Variants in SLCO1B1 observed in about 807,000 individuals in gnomAD.
The protein encoded by SLCO1B1 is OATP-2.
SLCO1B1 carries 81 observed loss-of-function variants against 70.1 expected under a neutral mutation model. The observed-to-expected ratio is 1.16, with a 90% CI of 0.97 to 1.39. The LOEUF (loss-of-function observed/expected upper bound fraction) is 1.39. SLCO1B1 is among the 40% of genes most tolerant of loss of function. The pLI is 0.00. For synonymous variants in SLCO1B1, 283 were observed against 271.5 expected (o/e 1.04, Z -0.42); for missense variants, 895 against 799.6 (o/e 1.12, Z -1.44).
intron 1 of SLCO1B1, among the ~76,000 whole-genome samples, chr12:21,137,559 C>T (rs777529622): frequency 1.3e-5 from 2 of 152,140 alleles, no homozygotes; most frequent in African/African-American, 2.4e-5. Flanking sequence ...CCCCCAGCCT[C>T]GCTGCCACCT....
chr12:21,224,952 A>G (rs566971282), intron 14 of SLCO1B1, 113 bp downstream of exon 14: 10 of 617,078 alleles, frequency 1.6e-5, no homozygotes, highest in Non-Finnish European at 2.8e-5. Context: ...TTTAATGAAA[A>G]CTGACTTTGC....
intron 12 of SLCO1B1, among the ~76,000 whole-genome samples, chr12:21,221,285 G>C (rs10841761): frequency 0.13 from 20,360 of 152,082 alleles, 1,671 homozygotes; most frequent in Non-Finnish European, 0.18. Context: ...TACTCTTACT[G>C]CACATAGTAT....
At chr12:21,194,650 T>G (rs1192820628) in intron 7 of SLCO1B1, among the ~76,000 whole-genome samples, 2 of 152,202 alleles carry the variant, frequency 1.3e-5, no homozygotes, top group African/African-American at 4.8e-5. Context: ...TCTTGTAAGC[T>G]CTGCTCATTA....
At chr12:21,145,828 A>G (rs1201285222) in intron 2 of SLCO1B1, among the ~76,000 whole-genome samples, 2 of 152,102 alleles carry the variant, frequency 1.3e-5, no homozygotes, top group African/African-American at 2.4e-5. Flanking sequence ...CCATTGCTGA[A>G]TGCAAGTGGT....
At chr12:21,210,988 C>T (rs935611123) in intron 11 of SLCO1B1, among the ~76,000 whole-genome samples, 7 of 152,058 alleles carry the variant, frequency 4.6e-5, no homozygotes, top group Non-Finnish European at 1.0e-4. Flanking sequence ...TCTAGATATA[C>T]AATCATGTCA....
intron 7 of SLCO1B1, among the ~76,000 whole-genome samples, chr12:21,187,921 C>T (rs1054849826): frequency 1.3e-5 from 2 of 152,060 alleles, no homozygotes; most frequent in Admixed American, 6.6e-5. Context: ...TGAGTGCCTG[C>T]GAACTAGTGT....
intron 14 of SLCO1B1, among the ~76,000 whole-genome samples, chr12:21,236,852 G>C (rs1941600618): frequency 6.6e-6 from 1 of 152,118 alleles, no homozygotes; most frequent in Non-Finnish European, 1.5e-5. Flanking sequence ...AAAAGAACTT[G>C]ACTTATTTTT....
intron 9 of SLCO1B1, among the ~76,000 whole-genome samples, chr12:21,201,983 G>C (rs917952931): frequency 6.6e-6 from 1 of 152,146 alleles, no homozygotes; most frequent in Non-Finnish European, 1.5e-5. Flanking sequence ...TCATAGACTG[G>C]ATAAAGAAAA....
chr12:21,201,406 C>A (rs144180550), intron 9 of SLCO1B1, among the ~76,000 whole-genome samples: 1 of 152,090 alleles, frequency 6.6e-6, no homozygotes, highest in African/African-American at 2.4e-5. Flanking sequence ...AATGTTTTGA[C>A]TCCCAGTAAC....
chr12:21,228,130 A>G (rs985919929), intron 14 of SLCO1B1, among the ~76,000 whole-genome samples: 1 of 152,050 alleles, frequency 6.6e-6, no homozygotes, highest in African/African-American at 2.4e-5. Context: ...ACATCCCCAC[A>G]TATTTATCAT....
chr12:21,150,049 G>A (rs1175967728), intron 2 of SLCO1B1, among the ~76,000 whole-genome samples: 1 of 152,124 alleles, frequency 6.6e-6, no homozygotes, highest in Non-Finnish European at 1.5e-5. Context: ...GGCTTGAGTA[G>A]GTGCTTTTCC....
At chr12:21,135,029 T>C (rs924532468) in intron 1 of SLCO1B1, among the ~76,000 whole-genome samples, 2 of 152,166 alleles carry the variant, frequency 1.3e-5, no homozygotes, top group East Asian at 3.8e-4. Flanking sequence ...TTCTCGTATG[T>C]TGTGTGTTTG....
chr12:21,184,876 T>A (rs1322039605), intron 7 of SLCO1B1, among the ~76,000 whole-genome samples: 1 of 152,152 alleles, frequency 6.6e-6, no homozygotes, highest in Non-Finnish European at 1.5e-5. Context: ...ACATCTTACA[T>A]GTACAATACC....
At chr12:21,167,081 AATTTT>A (rs1464794812) in intron 2 of SLCO1B1, among the ~76,000 whole-genome samples, 2 of 152,224 alleles carry the variant, frequency 1.3e-5, no homozygotes, top group East Asian at 3.8e-4. Flanking sequence ...CTATATGACA[AATTTT>A]ATTTTATAAA....
At chr12:21,160,106 T>TTA (rs777440895) in intron 2 of SLCO1B1, among the ~76,000 whole-genome samples, 8 of 111,996 alleles carry the variant, frequency 7.1e-5, no homozygotes, top group Admixed American at 1.9e-4. Context: ...TTCACAGAAC[T>TTA]AAAAAAAAAA....
At chr12:21,181,839 A>T (rs1260486028) in intron 7 of SLCO1B1, among the ~76,000 whole-genome samples, 1 of 152,160 alleles carries the variant, frequency 6.6e-6, no homozygotes, top group African/African-American at 2.4e-5. Context: ...TTTATAGATG[A>T]ATTGCATAGT....
At chr12:21,195,130 C>T (rs1260905798) in intron 7 of SLCO1B1, among the ~76,000 whole-genome samples, 1 of 152,184 alleles carries the variant, frequency 6.6e-6, no homozygotes, top group Non-Finnish European at 1.5e-5. Flanking sequence ...ATACCCAAAC[C>T]ATATCAGCCT....
intron 2 of SLCO1B1, 96 bp downstream of exon 2, chr12:21,141,754 T>C (rs868853117): frequency 1.4e-6 from 1 of 717,548 alleles, no homozygotes; most frequent in Middle Eastern, 3.5e-4. Flanking sequence ...ATGTTTCAAA[T>C]TATAATTTTC....
At chr12:21,189,455 AT>A (rs34804201) in intron 7 of SLCO1B1, among the ~76,000 whole-genome samples, 66,046 of 149,026 alleles carry the variant, frequency 0.44, 14,698 homozygotes, top group East Asian at 0.74. Flanking sequence ...TTTCAAATTA[AT>A]TTTTTTTTTT....
Sources: gnomAD v4.1 joint callset for allele counts (sites outside exome capture counted in the v4.1 genomes callset) on GRCh38, gnomAD v4.1.1 for gene constraint, MANE v1.5 for transcripts, NCBI Gene and HGNC (gene_info 2026-07-23, HGNC 2026-07-21) for gene names.